RIMS2: variants seen among roughly 807,000 people sequenced by gnomAD.
The protein encoded by RIMS2 is regulating synaptic membrane exocytosis protein 2.
In RIMS2, 59 loss-of-function variants were observed where a neutral mutation model predicts 174.4. The observed-to-expected ratio is 0.34, with a 90% CI of 0.27 to 0.42. RIMS2 has a LOEUF of 0.42. Ranked by LOEUF, RIMS2 falls within the 10% of genes least tolerant of loss-of-function variation. The pLI, the probability that RIMS2 is intolerant of heterozygous loss-of-function variation, is 1.00. For missense variants in RIMS2, 1,620 were observed against 1,666.3 expected, an observed-to-expected ratio of 0.97 and a Z score of 0.48; for synonymous variants, 606 against 572.5, an observed-to-expected ratio of 1.06 and a Z score of -0.84.
chr8:104,181,646 A>C (rs1021117889), intron 19 of RIMS2, among the ~76,000 whole-genome samples: 1 of 151,708 alleles, frequency 6.6e-6, no homozygotes, highest in African/African-American at 2.4e-5. Context: ...ATTTTATTTT[A>C]GATAATTTTG....
intron 1 of RIMS2, among the ~76,000 whole-genome samples, chr8:103,563,345 G>T (rs2091896071): frequency 6.6e-6 from 1 of 152,148 alleles, no homozygotes; most frequent in Admixed American, 6.5e-5. Flanking sequence ...TCTTCACACA[G>T]ATACCCTAAA....
chr8:103,789,709 C>G (rs1247112851), intron 3 of RIMS2, among the ~76,000 whole-genome samples: 1 of 150,270 alleles, frequency 6.7e-6, no homozygotes, highest in Non-Finnish European at 1.5e-5. Flanking sequence ...TTCTTTTTAC[C>G]AATGCATAAA....
At chr8:103,556,925 G>A (rs1275535582) in intron 1 of RIMS2, among the ~76,000 whole-genome samples, 3 of 151,996 alleles carry the variant, frequency 2.0e-5, no homozygotes, top group African/African-American at 4.8e-5. Context: ...GGATCATGGC[G>A]GGGACCTAAA....
At chr8:104,028,019 C>T (rs73295569) in intron 19 of RIMS2, among the ~76,000 whole-genome samples, 2,962 of 152,046 alleles carry the variant, frequency 0.019, 90 homozygotes, top group African/African-American at 0.067. Context: ...CAGCCTTGAC[C>T]TCCTGGGCTC....
chr8:103,583,886 G>A (rs1056837174), intron 1 of RIMS2, among the ~76,000 whole-genome samples: 13 of 151,956 alleles, frequency 8.6e-5, no homozygotes, highest in African/African-American at 1.2e-4. Flanking sequence ...CATATATCAC[G>A]TGAGTGGGGG....
At chr8:103,555,873 T>C (rs1850226634) in intron 1 of RIMS2, among the ~76,000 whole-genome samples, 1 of 150,660 alleles carries the variant, frequency 6.6e-6, no homozygotes, top group South Asian at 2.1e-4. Flanking sequence ...AAGAAGGAAA[T>C]CCTATCATAT....
At chr8:104,073,701 A>G (rs1158256275) in intron 19 of RIMS2, among the ~76,000 whole-genome samples, 1 of 152,192 alleles carries the variant, frequency 6.6e-6, no homozygotes, top group Non-Finnish European at 1.5e-5. Context: ...ATGTAATAAA[A>G]TAAAGGAAAA....
chr8:103,607,689 T>G lies in RIMS2; in HGVS notation c.177-89397T>G, dbSNP rs1206559797. Among the ~76,000 whole-genome samples the G allele has an allele frequency of 5.8e-5, 8 of 137,736 alleles. 1 individual carries two copies. Among genetic ancestry groups the G allele is most frequent in the Admixed American group, 5.0e-4 (7 of 14,080 alleles). The allele number at this position is 137,736 out of a possible 152,430, so 90.4% of individuals were successfully genotyped here. On this transcript the variant is annotated intron_variant, in intron 1 of 23. Transcript: ENST00000504942. ...ACATAGTCCCATATTTCTTGGAGGC[T>G]TTGCTCATTTCTTTTTATTCTTTTT... is the stretch of plus-strand genomic sequence containing the variant.
intron 19 of RIMS2, among the ~76,000 whole-genome samples, chr8:104,167,066 T>G (rs1216766042): frequency 1.3e-5 from 2 of 152,236 alleles, no homozygotes; most frequent in Non-Finnish European, 2.9e-5. Context: ...CATTGCAAAT[T>G]GTGCTGATAT....
chr8:103,754,524 T>G (rs1027902842), intron 2 of RIMS2, among the ~76,000 whole-genome samples: 5 of 152,160 alleles, frequency 3.3e-5, no homozygotes, highest in Non-Finnish European at 7.4e-5. Flanking sequence ...TTGTTGACAG[T>G]GGGGTGTTAA....
intron 3 of RIMS2, among the ~76,000 whole-genome samples, chr8:103,878,166 T>C (rs2099150364): frequency 6.6e-6 from 1 of 151,886 alleles, no homozygotes; most frequent in Non-Finnish European, 1.5e-5. Flanking sequence ...CATGCTGCCA[T>C]GTAAGACATG....
intron 19 of RIMS2, among the ~76,000 whole-genome samples, chr8:104,068,858 C>T (rs1009488209): frequency 4.6e-5 from 7 of 152,110 alleles, no homozygotes; most frequent in Admixed American, 1.3e-4. Flanking sequence ...TACAGTTTTT[C>T]ATTTTGTAAA....
At chr8:103,955,030 C>A (rs1045399358) in intron 14 of RIMS2, among the ~76,000 whole-genome samples, 6 of 152,132 alleles carry the variant, frequency 3.9e-5, no homozygotes, top group Admixed American at 3.9e-4. Context: ...GGCACATACA[C>A]CCTCCCAAGA....
chr8:103,830,701 G>A (rs749611751), intron 3 of RIMS2, among the ~76,000 whole-genome samples: 19 of 152,264 alleles, frequency 1.2e-4, no homozygotes, highest in Non-Finnish European at 2.6e-4. Context: ...TGAGAGACGT[G>A]TTAAAAATTT....
intron 19 of RIMS2, among the ~76,000 whole-genome samples, chr8:104,066,854 GT>G (rs1403213112): frequency 6.6e-6 from 1 of 151,974 alleles, no homozygotes; most frequent in Non-Finnish European, 1.5e-5. Context: ...TATAGTATAA[GT>G]TTTTTGTATA....
chr8:103,779,413 G>C (rs2098359005), intron 3 of RIMS2, among the ~76,000 whole-genome samples: 1 of 152,052 alleles, frequency 6.6e-6, no homozygotes, highest in Admixed American at 6.5e-5. Context: ...ATCTTGATTT[G>C]ATTTTTTTAT....
rs537595416 is a variant in RIMS2 at position 103,570,387 on chromosome 8, G to A, written c.176+69325G>A. On this transcript the variant is annotated intron_variant, in intron 1 of 23. Transcript: ENST00000504942. ...TTACTTATTTATTCATTATCAAAAG[G>A]CAATTTTTTGAGTTCTTTAAATGAG... 4.1e-4 allele frequency among the ~76,000 whole-genome samples: 62 copies of A among 152,142 alleles called. 1 individual carries two copies. The South Asian group carries it at 0.012, about 30-fold the overall frequency.
At chr8:104,008,160 A>G (rs979162059) in intron 17 of RIMS2, among the ~76,000 whole-genome samples, 1 of 152,130 alleles carries the variant, frequency 6.6e-6, no homozygotes, top group Non-Finnish European at 1.5e-5. Flanking sequence ...GAATCTGGGA[A>G]GTGATAAAGT....
intron 13 of RIMS2, among the ~76,000 whole-genome samples, chr8:103,937,104 A>T (rs1032287555): frequency 2.8e-4 from 42 of 149,754 alleles, no homozygotes; most frequent in African/African-American, 9.5e-4. Flanking sequence ...TCTCAAAAAA[A>T]AAATAATTAA....
Sources: gnomAD v4.1 joint callset for allele counts (sites outside exome capture counted in the v4.1 genomes callset) on GRCh38, gnomAD v4.1.1 for gene constraint, MANE v1.5 for transcripts, NCBI Gene and HGNC (gene_info 2026-07-23, HGNC 2026-07-21) for gene names.